Variants in APBA2 observed in about 807,000 individuals in gnomAD.
The protein encoded by APBA2 is amyloid beta precursor protein binding family A member 2, also known as amyloid-beta A4 precursor protein-binding family A member 2.
Under a neutral mutation model 75.0 loss-of-function variants are expected in APBA2, and 30 were observed. The ratio of observed to expected loss-of-function variants is 0.40; its 90% CI spans 0.30 to 0.54. The LOEUF is 0.54. Ranked by LOEUF, APBA2 falls within the 20% of genes least tolerant of loss-of-function variation. APBA2 has a pLI of 0.49. For synonymous variants in APBA2, 444 were observed against 409.6 expected (o/e 1.08, Z -1.01); for missense variants, 801 against 1,016.1 (o/e 0.79, Z 2.88).
At chr15:29,052,921 A>G (rs1286427016) in intron 3 of APBA2, among the ~76,000 whole-genome samples, 2 of 152,210 alleles carry the variant, frequency 1.3e-5, no homozygotes, top group Non-Finnish European at 2.9e-5. Context: ...CTCCCAAGAT[A>G]AAGACATTAA....
At chr15:29,106,291 T>G (rs2044397051) in intron 11 of APBA2, among the ~76,000 whole-genome samples, 1 of 144,292 alleles carries the variant, frequency 6.9e-6, no homozygotes, top group South Asian at 2.2e-4. Context: ...CTGCTTGGGG[T>G]GGGAAGGTCA....
chr15:29,109,838 C>G (rs2044634045), intron 13 of APBA2, among the ~76,000 whole-genome samples: 1 of 152,262 alleles, frequency 6.6e-6, no homozygotes, highest in South Asian at 2.1e-4. Context: ...GTACCCCAAG[C>G]TATCCAAGGT....
At chr15:29,063,332 G>A (rs1472691566) in intron 4 of APBA2, among the ~76,000 whole-genome samples, 4 of 139,216 alleles carry the variant, frequency 2.9e-5, no homozygotes, top group African/African-American at 1.1e-4. Flanking sequence ...AGTTGATCTG[G>A]TCAGTGTCTG....
chr15:28,986,648 G>T (rs1001189203), intron 2 of APBA2, among the ~76,000 whole-genome samples: 9 of 152,056 alleles, frequency 5.9e-5, no homozygotes, highest in Non-Finnish European at 2.9e-5. Context: ...TGTATTTTTA[G>T]TAGAGACGGG....
chr15:29,025,327 GC>G (rs2040162698), intron 3 of APBA2, among the ~76,000 whole-genome samples: 1 of 148,892 alleles, frequency 6.7e-6, no homozygotes, highest in Non-Finnish European at 1.5e-5. Context: ...ATGCAGTGGC[GC>G]CATCTTAGCT....
At chr15:29,097,260 A>G (rs1349560793) in intron 8 of APBA2, among the ~76,000 whole-genome samples, 1 of 152,276 alleles carries the variant, frequency 6.6e-6, no homozygotes, top group Admixed American at 6.5e-5. Flanking sequence ...ACCTGAGTCT[A>G]TAAATTCCAC....
intron 1 of APBA2, among the ~76,000 whole-genome samples, chr15:28,897,566 C>T (rs974022005): frequency 3.0e-5 from 4 of 131,628 alleles, no homozygotes; most frequent in Admixed American, 2.7e-4. Flanking sequence ...TGCAGTGAGC[C>T]GAGATTGCAC....
rs1252518408 is a variant in APBA2, at chr15:28,987,727, G to GAT, written c.-94-8025_-94-8024insTA. Among the ~76,000 whole-genome samples the GAT allele has an allele frequency of 1.2e-3, 134 of 115,088 alleles. 1 individual carries two copies. Among genetic ancestry groups the GAT allele is most frequent in the Non-Finnish European group, 2.0e-3 (120 of 60,950 alleles). 75.5% of individuals were successfully genotyped at this position (115,088 alleles called of 152,430 possible). A position where few individuals can be genotyped will look rare whatever the true frequency, so the allele number is the denominator to read the frequency against. ...GGGAGTGTCAAAGAATATGTGGAGA[G>GAT]AGATATATATATATATATATATATA... On this transcript the variant is annotated intron_variant, in intron 2 of 14. Coordinates refer to ENST00000683413, the MANE Select transcript of APBA2 (RefSeq NM_001353788.2).
chr15:28,993,150 G>A (rs1235038631), intron 2 of APBA2, among the ~76,000 whole-genome samples: 5 of 152,186 alleles, frequency 3.3e-5, no homozygotes, highest in East Asian at 1.9e-4. Context: ...GATGGAGCCC[G>A]CCCCCCAAAT....
chr15:28,985,513 T>TAC (rs1226847046), intron 2 of APBA2, among the ~76,000 whole-genome samples: 8 of 152,314 alleles, frequency 5.3e-5, no homozygotes, highest in African/African-American at 1.9e-4. Context: ...TATTAGGTGT[T>TAC]ACGGTGATGT....
chr15:28,990,987 G>A (rs1047953349), intron 2 of APBA2, among the ~76,000 whole-genome samples: 1 of 152,216 alleles, frequency 6.6e-6, no homozygotes, highest in Non-Finnish European at 1.5e-5. Context: ...TGAGAGTCTT[G>A]AGGTTTGAGC....
intron 1 of APBA2, among the ~76,000 whole-genome samples, chr15:28,908,487 T>C (rs1416818640): frequency 6.6e-6 from 1 of 151,996 alleles, no homozygotes; most frequent in Non-Finnish European, 1.5e-5. Context: ...ATTTTTTGTA[T>C]TTTTAGTGGA....
chr15:29,078,956 C>G (rs888860450), intron 6 of APBA2, among the ~76,000 whole-genome samples: 3 of 152,204 alleles, frequency 2.0e-5, no homozygotes, highest in Non-Finnish European at 1.5e-5. Flanking sequence ...ACCTGAAAGG[C>G]AGCGTGTCAG....
At chr15:28,930,423 G>A (rs945033896) in intron 2 of APBA2, among the ~76,000 whole-genome samples, 9 of 152,234 alleles carry the variant, frequency 5.9e-5, no homozygotes, top group South Asian at 2.1e-4. Flanking sequence ...GCTTTCTGTC[G>A]TTCTAAGGCA....
At chr15:29,109,324 T>C (rs61644662) in intron 13 of APBA2, among the ~76,000 whole-genome samples, 9,417 of 152,172 alleles carry the variant, frequency 0.062, 971 homozygotes, top group African/African-American at 0.22. Context: ...GGGTTTAGGG[T>C]CCATCTCTGA....
At chr15:29,106,910 C>T (rs1264235360) in intron 12 of APBA2, 91 bp downstream of exon 12, 6 of 1,230,596 alleles carry the variant, frequency 4.9e-6, no homozygotes, top group Non-Finnish European at 7.0e-6. Context: ...CACTGCAATC[C>T]CCACTTCACC....
rs560390339 is a variant in APBA2 at position 28,982,801 on chromosome 15, T to G, written c.-94-12952T>G. ...TCAGCGCAAGTGTTCTTCCCAAGCT[T>G]GGGGGACCTGGCAGGGCTGCCTACA... On this transcript the variant is annotated intron_variant, in intron 2 of 14. Transcript: ENST00000683413. 2.6e-5 allele frequency among the ~76,000 whole-genome samples: 4 copies of G among 152,336 alleles called. No individual in the cohort carries two copies. The South Asian group carries it at 8.3e-4, about 32-fold the overall frequency.
chr15:28,922,474 G>C (rs1208827423), intron 2 of APBA2, among the ~76,000 whole-genome samples: 1 of 152,190 alleles, frequency 6.6e-6, no homozygotes, highest in African/African-American at 2.4e-5. Context: ...CTCCTGCAGA[G>C]GTGGGAGCAT....
At chr15:28,961,624 C>T (rs1452163320) in intron 2 of APBA2, 1 of 152,158 alleles carries the variant, frequency 6.6e-6, no homozygotes, top group Non-Finnish European at 1.5e-5. Context: ...GGTGGAGGAA[C>T]AGGATCCCGG....
Sources: gnomAD v4.1 joint callset for allele counts (sites outside exome capture counted in the v4.1 genomes callset) on GRCh38, gnomAD v4.1.1 for gene constraint, MANE v1.5 for transcripts, NCBI Gene and HGNC (gene_info 2026-07-23, HGNC 2026-07-21) for gene names.